Variants in ERF observed in about 807,000 individuals in gnomAD.
The protein encoded by ERF is ETS domain-containing transcription factor ERF.
A neutral mutation model predicts 41.6 loss-of-function variants in ERF; 10 were observed. The ratio of observed to expected loss-of-function variants is 0.24; its 90% CI spans 0.15 to 0.41. ERF has a LOEUF of 0.41. ERF is among the 10% of genes least tolerant of loss of function. The probability of loss-of-function intolerance (pLI) is 1.00; values close to 1 mark genes in which losing one functional copy is unlikely to be tolerated. For missense variants in ERF, 621 were observed against 763.2 expected, an observed-to-expected ratio of 0.81 and a Z score of 2.19; for synonymous variants, 395 against 342.4, an observed-to-expected ratio of 1.15 and a Z score of -1.70.
chr19:42,249,101 C>A lies in ERF; in HGVS notation c.1011G>T (p.Leu337=). 1 of 1,613,718 alleles carries A rather than the reference C, an allele frequency of 6.2e-7. No individual in the cohort carries two copies. Residue 337 remains leucine, a synonymous_variant, in exon 4 of 4, where the codon CTG becomes CTT. Transcript: ENST00000222329. The surrounding 1 kb of genome is among the most constrained non-coding windows in gnomAD (Gnocchi z 8.6). ...SPRAFLHYPG[L]VVPQPQRPDK... ...CAGGGCGCTGGGGCTGGGGCACCAC[C>A]AGCCCAGGGTAGTGCAGGAAGGCGC...
At chr19:42,254,511 G>A (rs2036501888) in intron 1 of ERF, 1 of 154,690 alleles carries the variant, frequency 6.5e-6, no homozygotes, top group African/African-American at 2.4e-5. Context: ...CCTCCTCCTA[G>A]AGGCCATCCC....
intron 1 of ERF, among the ~76,000 whole-genome samples, chr19:42,254,346 C>T (rs1490954603): frequency 6.6e-6 from 1 of 151,920 alleles, no homozygotes; most frequent in Admixed American, 6.5e-5. Context: ...GCCGCGCGTT[C>T]TAAGGTCGGA....
At chr19:42,251,544 G>A (rs1447067725) in intron 1 of ERF, 2 of 193,578 alleles carry the variant, frequency 1.0e-5, no homozygotes, top group Admixed American at 6.5e-5. Flanking sequence ...GGAGGGGTGG[G>A]AGGAGGGAAA....
rs1185599810 is a variant in ERF at position 42,250,162 on chromosome 19, G to A, written c.257+169C>T. ...TGACTGTAATCTCTCCTCAGGATAC[G>A]TCTGTGTTACCAAGGGGCTCAGGGA... On this transcript the variant is annotated intron_variant, in intron 2 of 3. Coordinates refer to ENST00000222329, the MANE Select transcript of ERF (RefSeq NM_006494.4). This position sits in a 1 kb window ranked among gnomAD's most constrained non-coding sequence, Gnocchi z 5.1. The A allele has an allele frequency of 6.0e-5, 48 of 794,076 alleles. 1 individual carries two copies. Among genetic ancestry groups the A allele is most frequent in the African/African-American group, 2.2e-4 (13 of 57,888 alleles). 49.2% of individuals were successfully genotyped at this position (794,076 alleles called of 1,614,324 possible).
chr19:42,252,891 G>A (rs1281176901), intron 1 of ERF, among the ~76,000 whole-genome samples: 1 of 152,176 alleles, frequency 6.6e-6, no homozygotes, highest in Non-Finnish European at 1.5e-5. Flanking sequence ...CTGCACGGAG[G>A]AAGCTTGGGG....
rs1568471670 is a variant in ERF, at chr19:42,249,402, C to T, written c.710G>A (p.Arg237Gln). Residue 237 changes from arginine to glutamine, a missense_variant, in exon 4 of 4, where the codon CGG becomes CAG. Arg to Gln is a conservative substitution (Grantham distance 43). Transcript: ENST00000222329. The surrounding 1 kb of genome is among the most constrained non-coding windows in gnomAD (Gnocchi z 8.6). ...GAGGGGTTCAGGGCCACCCCGAGGC[C>T]GGGGATAGACTCGGAAGACACCAGG... is the stretch of plus-strand genomic sequence containing the variant. ...HDPGVFRVYP[R>Q]PRGGPEPLSP... 7 of 1,577,558 alleles carry T rather than the reference C, an allele frequency of 4.4e-6. No individual in the cohort carries two copies. Among genetic ancestry groups the T allele is most frequent in the Middle Eastern group, 3.4e-4 (2 of 5,900 alleles).
chr19:42,249,377 G>A lies in ERF; in HGVS notation c.735C>T (p.Leu245=). 6.3e-7 allele frequency: 1 copy of A among 1,576,022 alleles called. No individual in the cohort carries two copies. The highest frequency in any genetic ancestry group is 1.2e-5 in the South Asian group (1 of 86,826). The change falls in exon 4 of 4, where the codon CTC becomes CTT. Residue 245 remains leucine (L), a synonymous_variant. Coordinates refer to ENST00000222329, the MANE Select transcript of ERF (RefSeq NM_006494.4). This position sits in a 1 kb window ranked among gnomAD's most constrained non-coding sequence, Gnocchi z 8.6. ...CCAGAGGCGACACAGGGAAGGGGCT[G>A]AGGGGTTCAGGGCCACCCCGAGGCC... The part of the protein sequence containing the change: ...YPRPRGGPEP[L]SPFPVSPLAG...
chr19:42,248,897 A>G lies in ERF; in HGVS notation c.1215T>C (p.Ser405=). The G allele has an allele frequency of 6.2e-7, 1 of 1,607,606 alleles. No individual in the cohort carries two copies. Among genetic ancestry groups the G allele is most frequent in the Non-Finnish European group, 8.5e-7 (1 of 1,179,178 alleles). ...AVAGADKSGG[S]AGGLAEGAGA... is the part of the protein sequence containing the mutation. ...CTGCCCCCTCAGCCAGCCCGCCTGC[A>G]CTGCCACCGCTCTTGTCAGCACCGG... is the stretch of plus-strand genomic sequence containing the variant. Residue 405 remains serine (S), a synonymous_variant, in exon 4 of 4, where the codon AGT becomes AGC. Coordinates refer to ENST00000222329, the MANE Select transcript of ERF (RefSeq NM_006494.4). The surrounding 1 kb of genome is among the most constrained non-coding windows in gnomAD (Gnocchi z 4.2).
chr19:42,253,847 C>A (rs1245001662), intron 1 of ERF: 2 of 1,064,910 alleles, frequency 1.9e-6, no homozygotes, highest in South Asian at 5.1e-5. Context: ...CACACCCGCA[C>A]ACAGGAGCCC....
rs561227068 is a variant in ERF at position 42,250,120 on chromosome 19, A to G, written c.258-178T>C. On this transcript the variant is annotated intron_variant, in intron 2 of 3. Transcript: ENST00000222329. The surrounding 1 kb of genome is among the most constrained non-coding windows in gnomAD (Gnocchi z 5.1). ...GCTCTCTCCTCACATCTAAGGCAGG[A>G]CTAGAGGATCCACTGGTGACTGTAA... 1 of 749,414 alleles carries G rather than the reference A, an allele frequency of 1.3e-6. No individual in the cohort carries two copies. Among genetic ancestry groups the G allele is most frequent in the Admixed American group, 2.4e-5 (1 of 41,836 alleles). 46.4% of individuals were successfully genotyped at this position (749,414 alleles called of 1,614,324 possible). A position where few individuals can be genotyped will look rare whatever the true frequency, so the allele number is the denominator to read the frequency against.
At chr19:42,254,701 C>G in intron 1 of ERF, 1 of 336,704 alleles carries the variant, frequency 3.0e-6, no homozygotes, top group East Asian at 4.8e-5. Flanking sequence ...CCCCCGTGAT[C>G]CCGGGAGTGG....
chr19:42,249,027 G>A lies in ERF; in HGVS notation c.1085C>T (p.Ser362Phe). The A allele has an allele frequency of 6.2e-7, 1 of 1,611,504 alleles. No individual in the cohort carries two copies. The highest frequency in any genetic ancestry group is 8.5e-7 in the Non-Finnish European group (1 of 1,178,820). The part of the protein sequence containing the change: ...PMAPETPPVP[S>F]SASSSSSSSS... ...AGAAGAAGAGGATGACGAGGCCGAGGAGGGGACCGGTGGGGTCTCGGGTGC... is the reference window on the plus strand; with the variant it reads ...AGAAGAAGAGGATGACGAGGCCGAGAAGGGGACCGGTGGGGTCTCGGGTGC... Residue 362 changes from serine (S) to phenylalanine (F), a missense_variant, in exon 4 of 4, where the codon TCC (serine) becomes TTC (phenylalanine). By Grantham distance (155) the Ser-to-Phe change is radical. Transcript: ENST00000222329. The surrounding 1 kb of genome is among the most constrained non-coding windows in gnomAD (Gnocchi z 8.6).
In ERF at chr19:42,247,579, C is replaced by CA. The variant is rs2036348532; in HGVS notation, c.*885dup. 1 of 152,706 alleles carries CA rather than the reference C, an allele frequency of 6.5e-6. No individual in the cohort carries two copies. Among genetic ancestry groups the CA allele is most frequent in the African/African-American group, 2.4e-5 (1 of 41,428 alleles). 9.5% of individuals were successfully genotyped at this position (152,706 alleles called of 1,614,324 possible). A position where few individuals can be genotyped will look rare whatever the true frequency, so the allele number is the denominator to read the frequency against. On this transcript the variant is annotated 3_prime_UTR_variant, in exon 4 of 4. Coordinates refer to ENST00000222329, the MANE Select transcript of ERF (RefSeq NM_006494.4). ...ACATTGATCACTGCATCCAAAGGTCCAAAGTTTTATTGTTTTGAATACATT... is the reference window on the plus strand; with the variant it reads ...ACATTGATCACTGCATCCAAAGGTCCAAAAGTTTTATTGTTTTGAATACATT...
chr19:42,253,857 C>G (rs2036488216), intron 1 of ERF: 16 of 1,064,656 alleles, frequency 1.5e-5, no homozygotes, highest in Non-Finnish European at 1.8e-5. Context: ...CACAGGAGCC[C>G]GAGCCGCCGC....
In ERF at chr19:42,250,111, T is replaced by C. The variant is rs2036419333; in HGVS notation, c.258-169A>G. 1 of 770,060 alleles carries C rather than the reference T, an allele frequency of 1.3e-6. No individual in the cohort carries two copies. Among genetic ancestry groups the C allele is most frequent in the Admixed American group, 2.3e-5 (1 of 44,244 alleles). The allele number at this position is 770,060 out of a possible 1,614,324, so 47.7% of individuals were successfully genotyped here. ...TGGGTACCAGCTCTCTCCTCACATC[T>C]AAGGCAGGACTAGAGGATCCACTGG... On this transcript the variant is annotated intron_variant, in intron 2 of 3. Transcript: ENST00000222329. This position sits in a 1 kb window ranked among gnomAD's most constrained non-coding sequence, Gnocchi z 5.1.
At position 42,254,579 on chromosome 19, in the gene ERF, C is replaced by T. The variant is rs1484270712; in HGVS notation, c.22+399G>A. 4.6e-5 allele frequency: 8 copies of T among 175,222 alleles called. No individual in the cohort carries two copies. The South Asian group carries it at 7.6e-4, about 17-fold the overall frequency. 10.9% of individuals were successfully genotyped at this position (175,222 alleles called of 1,614,324 possible). A position where few individuals can be genotyped will look rare whatever the true frequency, so the allele number is the denominator to read the frequency against. ...CCGCCGTGAAGGTCACCAGCAGGAC[C>T]GCGCAGCGCAGAACCAGGGATAGCG... is the stretch of plus-strand genomic sequence containing the variant. On this transcript the variant is annotated intron_variant, in intron 1 of 3. Coordinates refer to ENST00000222329, the MANE Select transcript of ERF (RefSeq NM_006494.4).
chr19:42,251,494 A>G, intron 1 of ERF: 1 of 464,204 alleles, frequency 2.2e-6, no homozygotes, highest in Non-Finnish European at 2.8e-6. Flanking sequence ...TTTCCCAACA[A>G]CAGGGGCCAT....
Position 42,255,021 on chromosome 19 carries a change from C to A in ERF, c.-22G>T. 1 of 1,408,596 alleles carries A rather than the reference C, an allele frequency of 7.1e-7. No individual in the cohort carries two copies. The highest frequency in any genetic ancestry group is 9.2e-7 in the Non-Finnish European group (1 of 1,081,680). 87.3% of individuals were successfully genotyped at this position (1,408,596 alleles called of 1,614,324 possible). The stretch of plus-strand genomic sequence containing the variant: ...TCATGCTGGGGGGCCCGGGGCGAAG[C>A]GCCCCGATTCCGGGCCGCGGCTCCC... On this transcript the variant is annotated 5_prime_UTR_variant, in exon 1 of 4. Transcript: ENST00000222329.
chr19:42,249,526 G>C lies in ERF; in HGVS notation c.586C>G (p.Leu196Val). Residue 196 changes from leucine to valine, a missense_variant, in exon 4 of 4, where the codon CTG becomes GTG. By Grantham distance (32) the Leu-to-Val change is conservative. Coordinates refer to ENST00000222329, the MANE Select transcript of ERF (RefSeq NM_006494.4). The surrounding 1 kb of genome is among the most constrained non-coding windows in gnomAD (Gnocchi z 8.6). The stretch of plus-strand genomic sequence containing the variant: ...GGATCCTCTCCCAGCGGTTCCTCCA[G>C]CTCTGACGTGCCATCACTACAGTCA... ...VSDCSDGTSE[L>V]EEPLGEDPRA... 6.2e-7 allele frequency: 1 copy of C among 1,613,198 alleles called. No individual in the cohort carries two copies. The highest frequency in any genetic ancestry group is 8.5e-7 in the Non-Finnish European group (1 of 1,179,938).
Sources: gnomAD v4.1 joint callset for allele counts (sites outside exome capture counted in the v4.1 genomes callset) on GRCh38, gnomAD v4.1.1 for gene constraint, Gnocchi (gnomAD v3.1) non-coding constraint, MANE v1.5 for transcripts, NCBI Gene and HGNC (gene_info 2026-07-23, HGNC 2026-07-21) for gene names.